The following CAPN3 variants were observed in gnomAD, a reference collection of about 807,000 sequenced individuals.
CAPN3 encodes the protein calpain-3.
In CAPN3, 88 loss-of-function variants were observed where a neutral mutation model predicts 114.0. The observed-to-expected ratio is 0.77, with a 90% CI of 0.65 to 0.92. The LOEUF is 0.92. CAPN3 is among the 40% of genes least tolerant of loss of function. The probability of loss-of-function intolerance (pLI) is 0.00; values close to 1 mark genes in which losing one functional copy is unlikely to be tolerated. For synonymous variants in CAPN3, 386 were observed against 382.9 expected (o/e 1.01, Z -0.09); for missense variants, 1,028 against 1,069.0 (o/e 0.96, Z 0.53).
chr15:42,390,845 CA>C (rs1195902932), intron 6 of CAPN3, among the ~76,000 whole-genome samples: 2 of 147,714 alleles, frequency 1.4e-5, no homozygotes, highest in Non-Finnish European at 3.0e-5. Context: ...GGCTGGAGCA[CA>C]GTGGTGCCAT....
At chr15:42,360,666 G>A (rs1419516955) in intron 1 of CAPN3, among the ~76,000 whole-genome samples, 1 of 152,186 alleles carries the variant, frequency 6.6e-6, no homozygotes, top group African/African-American at 2.4e-5. Flanking sequence ...AAGAGAGAGA[G>A]ACCTAGCAAT....
At chr15:42,364,313 CTTAA>C (rs1419292459) in intron 1 of CAPN3, among the ~76,000 whole-genome samples, 5 of 152,218 alleles carry the variant, frequency 3.3e-5, no homozygotes, top group Admixed American at 6.5e-5. Flanking sequence ...GAACCCATCT[CTTAA>C]TTAATTGAGG....
At chr15:42,385,495 C>T (rs1286904464) in intron 2 of CAPN3, among the ~76,000 whole-genome samples, 3 of 151,468 alleles carry the variant, frequency 2.0e-5, no homozygotes, top group East Asian at 1.9e-4. Context: ...GCTCTGTGAC[C>T]AGGTACACCC....
intron 9 of CAPN3, among the ~76,000 whole-genome samples, 169 bp from the exon 10 acceptor site, chr15:42,399,323 A>G (rs1425946904): frequency 1.3e-5 from 2 of 152,176 alleles, no homozygotes. Flanking sequence ...GAGTAGATAC[A>G]TCAGAAGTGA....
chr15:42,373,132 G>T (rs1468657082), intron 1 of CAPN3, among the ~76,000 whole-genome samples: 1 of 152,116 alleles, frequency 6.6e-6, no homozygotes, highest in African/African-American at 2.4e-5. Flanking sequence ...GGTGGAGGTT[G>T]CAGTGAGCCG....
intron 7 of CAPN3, among the ~76,000 whole-genome samples, chr15:42,393,739 G>A (rs1367149245): frequency 5.9e-5 from 9 of 151,906 alleles, no homozygotes; most frequent in East Asian, 3.9e-4. Context: ...GATTACAGGC[G>A]CGTGTCACCA....
intron 3 of CAPN3, 58 bp from the exon 4 acceptor site, chr15:42,387,695 G>GA: frequency 6.2e-7 from 1 of 1,603,850 alleles, no homozygotes; most frequent in African/African-American, 1.3e-5. Context: ...GTGGAGGAAG[G>GA]ACACATTTCC....
At chr15:42,380,619 A>G (rs2053217344) in intron 1 of CAPN3, among the ~76,000 whole-genome samples, 1 of 143,940 alleles carries the variant, frequency 6.9e-6, no homozygotes, top group African/African-American at 2.7e-5. Flanking sequence ...ATATATATGT[A>G]TGTATATGTG....
rs28364478 is a variant in CAPN3 at position 42,400,717 on chromosome 15, A to G, written c.1355-924A>G. 1.1e-4 allele frequency among the ~76,000 whole-genome samples: 17 copies of G among 152,002 alleles called. No homozygotes were observed. The East Asian group carries it at 3.1e-3, about 28-fold the overall frequency. ...AAAAGACACACAAGAGAAAAATATCAGCGTGTTGTTTGTTTTTGGTGGAGT... is the reference window on the plus strand; with the variant it reads ...AAAAGACACACAAGAGAAAAATATCGGCGTGTTGTTTGTTTTTGGTGGAGT... On this transcript the variant is annotated intron_variant, in intron 10 of 23. Coordinates refer to ENST00000397163, the MANE Select transcript of CAPN3 (RefSeq NM_000070.3).
intron 22 of CAPN3, 91 bp from the exon 23 acceptor site, chr15:42,411,196 G>A: frequency 1.8e-6 from 2 of 1,132,400 alleles, no homozygotes; most frequent in Non-Finnish European, 2.7e-6. Context: ...ATGAGGGACA[G>A]CACTGGGCAC....
At position 42,363,849 on chromosome 15, in the gene CAPN3, C is replaced by T. The variant is rs117630910; in HGVS notation, c.309+3735C>T. Among the ~76,000 whole-genome samples the T allele has an allele frequency of 9.5e-4, 142 of 149,844 alleles. 1 individual carries two copies. In the East Asian group the frequency reaches 0.023, roughly 24 times the overall value. On this transcript the variant is annotated intron_variant, in intron 1 of 23. Coordinates refer to ENST00000397163, the MANE Select transcript of CAPN3 (RefSeq NM_000070.3). ...AGTCTCAGAGGGATTAAATAACTCG[C>T]GCCAGATCTCCCAGTTAGTGAGGGT...
chr15:42,380,745 A>ATTTTT (rs1566972288), intron 1 of CAPN3, among the ~76,000 whole-genome samples: 10 of 55,942 alleles, frequency 1.8e-4, no homozygotes, highest in Middle Eastern at 7.2e-3. Flanking sequence ...ATATATATAT[A>ATTTTT]TATATATTTT....
intron 12 of CAPN3, chr15:42,402,508 TG>T: frequency 7.0e-7 from 1 of 1,431,078 alleles, no homozygotes; most frequent in Non-Finnish European, 9.1e-7. Flanking sequence ...TAGGCCTCCT[TG>T]GGGGTCCTTC....
At chr15:42,401,139 A>G (rs2053850086) in intron 10 of CAPN3, among the ~76,000 whole-genome samples, 1 of 151,920 alleles carries the variant, frequency 6.6e-6, no homozygotes, top group Non-Finnish European at 1.5e-5. Flanking sequence ...GGCTGCAGTG[A>G]GCCGAGATCG....
intron 6 of CAPN3, among the ~76,000 whole-genome samples, chr15:42,390,609 A>C (rs538052290): frequency 6.6e-6 from 1 of 152,152 alleles, no homozygotes; most frequent in Admixed American, 6.6e-5. Flanking sequence ...AGAAAAACAC[A>C]GAGGAAAATT....
rs755280557 is a variant in CAPN3 at position 42,363,179 on chromosome 15, CAG to C, written c.309+3067_309+3068del. On this transcript the variant is annotated intron_variant, in intron 1 of 23. Coordinates refer to ENST00000397163, the MANE Select transcript of CAPN3 (RefSeq NM_000070.3). ...TCTCTTACTCACCAGTGCTACCTCA[CAG>C]ACTTTCTTCCTCTACTCGGGAACAT... 4.7e-4 allele frequency among the ~76,000 whole-genome samples: 72 copies of C among 152,332 alleles called. 1 individual carries two copies. The highest frequency in any genetic ancestry group is 9.7e-4 in the Non-Finnish European group (66 of 68,024).
chr15:42,372,369 G>A (rs2052973066), intron 1 of CAPN3, among the ~76,000 whole-genome samples: 1 of 152,106 alleles, frequency 6.6e-6, no homozygotes, highest in Non-Finnish European at 1.5e-5. Flanking sequence ...ATGTTGGTCA[G>A]GCTAGTCTCA....
intron 14 of CAPN3, among the ~76,000 whole-genome samples, 197 bp from the exon 15 acceptor site, chr15:42,405,729 G>C (rs1248022585): frequency 1.9e-4 from 29 of 151,950 alleles, no homozygotes. Context: ...CTGGTGTCTG[G>C]GCATGGAGGA....
At position 42,411,993 on chromosome 15, in the gene CAPN3, AC is replaced by A; in HGVS notation, c.*223del. 1 of 1,506,418 alleles carries A rather than the reference AC, an allele frequency of 6.6e-7. No homozygotes were observed. The highest frequency in any genetic ancestry group is 8.9e-7 in the Non-Finnish European group (1 of 1,128,856). The allele number at this position is 1,506,418 out of a possible 1,614,324, so 93.3% of individuals were successfully genotyped here. On this transcript the variant is annotated 3_prime_UTR_variant, in exon 24 of 24. Transcript: ENST00000397163. The stretch of plus-strand genomic sequence containing the variant: ...TAAAGCAATGAGGTAGGAAGAACAA[AC>A]CCTTGTCCCTTTGCCATGTGGAGGA...
Sources: gnomAD v4.1 joint callset for allele counts (sites outside exome capture counted in the v4.1 genomes callset) on GRCh38, gnomAD v4.1.1 for gene constraint, MANE v1.5 for transcripts, NCBI Gene and HGNC (gene_info 2026-07-23, HGNC 2026-07-21) for gene names.